Variants in LRMDA observed in about 807,000 individuals in gnomAD.
The protein encoded by LRMDA is leucine-rich melanocyte differentiation-associated protein.
In LRMDA, 18 loss-of-function variants were observed where a neutral mutation model predicts 29.8. The ratio of observed to expected loss-of-function variants is 0.60; its 90% CI spans 0.42 to 0.90. LRMDA has a LOEUF of 0.90. Among genes scored for constraint, LRMDA ranks in the 40% least tolerant of loss-of-function variants. LRMDA has a pLI of 0.00. For synonymous variants in LRMDA, 125 were observed against 109.4 expected (o/e 1.14, Z -0.89); for missense variants, 273 against 273.9 (o/e 1.00, Z 0.02).
intron 2 of LRMDA, among the ~76,000 whole-genome samples, chr10:75,517,556 C>T (rs993086048): frequency 6.6e-6 from 1 of 152,104 alleles, no homozygotes; most frequent in South Asian, 2.1e-4. Context: ...ATTTTGTATC[C>T]TGAGACTTTG....
chr10:76,265,328 A>T (rs1186057093), intron 5 of LRMDA, among the ~76,000 whole-genome samples: 1 of 152,176 alleles, frequency 6.6e-6, no homozygotes, highest in African/African-American at 2.4e-5. Flanking sequence ...TCTTCCACCC[A>T]GGCTGAAAGT....
rs544392148 is a variant in LRMDA at position 75,740,155 on chromosome 10, G to A, written c.132-295853G>A. The stretch of plus-strand genomic sequence containing the variant: ...ATTTCTGAAATAAAATAAAATAAAT[G>A]CGTGCTTTTAGAATAGGCTGTAGTT... On this transcript the variant is annotated intron_variant, in intron 2 of 6. Coordinates refer to ENST00000611255, the MANE Select transcript of LRMDA (RefSeq NM_001305581.2). 5.9e-5 allele frequency among the ~76,000 whole-genome samples: 9 copies of A among 152,302 alleles called. No individual in the cohort carries two copies. The East Asian group carries it at 7.7e-4, about 13-fold the overall frequency.
At chr10:76,302,276 A>G (rs1056253831) in intron 5 of LRMDA, among the ~76,000 whole-genome samples, 1 of 152,160 alleles carries the variant, frequency 6.6e-6, no homozygotes, top group African/African-American at 2.4e-5. Flanking sequence ...GGGAAGAGAA[A>G]AATCTCCCTG....
At chr10:75,880,955 A>G (rs1487141595) in intron 2 of LRMDA, among the ~76,000 whole-genome samples, 1 of 152,168 alleles carries the variant, frequency 6.6e-6, no homozygotes, top group African/African-American at 2.4e-5. Flanking sequence ...TCATCTGACC[A>G]TCTGCCTACT....
In LRMDA at chr10:76,324,415, C is replaced by A; in HGVS notation, c.531C>A (p.Asp177Glu). 1 of 1,614,078 alleles carries A rather than the reference C, an allele frequency of 6.2e-7. No individual in the cohort carries two copies. The highest frequency in any genetic ancestry group is 8.5e-7 in the Non-Finnish European group (1 of 1,180,022). The change falls in exon 6 of 7, where the codon GAC becomes GAA. Residue 177 changes from aspartate (D) to glutamate (E), a missense_variant. Asp to Glu is a conservative substitution (Grantham distance 45, BLOSUM62 2). Coordinates refer to ENST00000611255, the MANE Select transcript of LRMDA (RefSeq NM_001305581.2). ...KVVKPKASSE[D>E]VASSPERHYT... Reference sequence around the variant, plus strand: ...TTGTCACACAGGCTTCTAGTGAGGACGTTGCCAGCTCCCCGGAGCGCCACT... The same window carrying A: ...TTGTCACACAGGCTTCTAGTGAGGAAGTTGCCAGCTCCCCGGAGCGCCACT...
At position 76,345,487 on chromosome 10, in the gene LRMDA, A is replaced by G. The variant is rs188165463; in HGVS notation, c.601+21002A>G. On this transcript the variant is annotated intron_variant, in intron 6 of 6. Transcript: ENST00000611255. The stretch of plus-strand genomic sequence containing the variant: ...ATATTTATTTTATATATATTTATAA[A>G]TTTATATATATAAATAAAAGGGAAT... 6.9e-4 allele frequency among the ~76,000 whole-genome samples: 103 copies of G among 148,300 alleles called. No individual in the cohort carries two copies. The East Asian group carries it at 0.018, about 26-fold the overall frequency.
At chr10:75,457,221 C>T (rs1406173312) in intron 2 of LRMDA, among the ~76,000 whole-genome samples, 3 of 152,202 alleles carry the variant, frequency 2.0e-5, no homozygotes, top group Non-Finnish European at 2.9e-5. Flanking sequence ...ACTACAAAGT[C>T]GACTGTTAGC....
At chr10:76,218,996 G>T (rs943900568) in intron 5 of LRMDA, among the ~76,000 whole-genome samples, 1 of 152,158 alleles carries the variant, frequency 6.6e-6, no homozygotes, top group Non-Finnish European at 1.5e-5. Flanking sequence ...GTGCAGACTA[G>T]GAATGTTGGG....
At chr10:75,732,263 G>A (rs1338349084) in intron 2 of LRMDA, among the ~76,000 whole-genome samples, 1 of 152,170 alleles carries the variant, frequency 6.6e-6, no homozygotes, top group African/African-American at 2.4e-5. Flanking sequence ...TATGCTTACA[G>A]GGAAGCATGC....
intron 6 of LRMDA, among the ~76,000 whole-genome samples, chr10:76,529,454 A>T (rs1446386049): frequency 2.0e-5 from 3 of 152,146 alleles, no homozygotes; most frequent in African/African-American, 7.2e-5. Flanking sequence ...AGGTACAGAT[A>T]TTGAGAGACA....
intron 5 of LRMDA, among the ~76,000 whole-genome samples, chr10:76,122,451 C>T (rs1849807124): frequency 1.3e-5 from 2 of 151,916 alleles, no homozygotes; most frequent in African/African-American, 2.4e-5. Flanking sequence ...ACATGATGGT[C>T]GTGTGACATT....
At chr10:75,631,288 G>T (rs116974121) in intron 2 of LRMDA, among the ~76,000 whole-genome samples, 2 of 151,996 alleles carry the variant, frequency 1.3e-5, no homozygotes, top group African/African-American at 4.8e-5. Flanking sequence ...TAGCTTGTGG[G>T]ACCTCACTGC....
At chr10:75,977,138 T>C (rs961455570) in intron 2 of LRMDA, among the ~76,000 whole-genome samples, 7 of 148,124 alleles carry the variant, frequency 4.7e-5, no homozygotes, top group African/African-American at 1.2e-4. Context: ...TTTTTTTTTT[T>C]CCTTTTTTAA....
intron 5 of LRMDA, among the ~76,000 whole-genome samples, chr10:76,093,403 T>C (rs920185672): frequency 2.0e-5 from 3 of 152,096 alleles, no homozygotes; most frequent in Non-Finnish European, 4.4e-5. Flanking sequence ...CCTCCCACTG[T>C]GAACTCTCCC....
At chr10:76,338,397 T>TA (rs775759225) in intron 6 of LRMDA, among the ~76,000 whole-genome samples, 13 of 149,872 alleles carry the variant, frequency 8.7e-5, no homozygotes, top group Admixed American at 2.0e-4. Context: ...AATAAATAAA[T>TA]AATAAATAAA....
intron 2 of LRMDA, among the ~76,000 whole-genome samples, chr10:75,810,095 A>T (rs1272991525): frequency 6.6e-6 from 1 of 152,184 alleles, no homozygotes; most frequent in Non-Finnish European, 1.5e-5. Context: ...ACGAAACAGC[A>T]TGAGCAGAGT....
chr10:76,468,000 T>C (rs1842580861), intron 6 of LRMDA, among the ~76,000 whole-genome samples: 1 of 152,216 alleles, frequency 6.6e-6, no homozygotes, highest in Non-Finnish European at 1.5e-5. Context: ...TCAACAGTCA[T>C]TTAAATTATC....
chr10:76,267,266 A>G (rs530667128), intron 5 of LRMDA, among the ~76,000 whole-genome samples: 2 of 152,280 alleles, frequency 1.3e-5, no homozygotes, highest in African/African-American at 4.8e-5. Flanking sequence ...TGCCCATTCA[A>G]ATTATATAAT....
At position 76,175,788 on chromosome 10, in the gene LRMDA, T is replaced by A. The variant is rs376275144; in HGVS notation, c.516+117005T>A. Among the ~76,000 whole-genome samples, 13 of 152,222 alleles carry A rather than the reference T, an allele frequency of 8.5e-5. No individual in the cohort carries two copies. The East Asian group carries it at 1.3e-3, about 16-fold the overall frequency. On this transcript the variant is annotated intron_variant, in intron 5 of 6. Coordinates refer to ENST00000611255, the MANE Select transcript of LRMDA (RefSeq NM_001305581.2). ...ATCTATCTCGGAGACAGGAATATTT[T>A]GTTAGAGATGCGCCCAGTTGGGGTT...
Sources: gnomAD v4.1 joint callset for allele counts (sites outside exome capture counted in the v4.1 genomes callset) on GRCh38, gnomAD v4.1.1 for gene constraint, MANE v1.5 for transcripts, NCBI Gene and HGNC (gene_info 2026-07-23, HGNC 2026-07-21) for gene names.